ZNF71: variants seen among roughly 807,000 people sequenced by gnomAD.
ZNF71 encodes endothelial zinc finger protein induced by tumor necrosis factor alpha.
ZNF71 carries 3 observed loss-of-function variants against 6.7 expected under a neutral mutation model. That is an observed-to-expected ratio of 0.45 (90% CI 0.20 to 1.16). The LOEUF (loss-of-function observed/expected upper bound fraction) is 1.16. Among genes scored for constraint, ZNF71 ranks in the 50% most tolerant of loss-of-function variants. The pLI, the probability that ZNF71 is intolerant of heterozygous loss-of-function variation, is 0.25. For synonymous variants in ZNF71, 343 were observed against 311.1 expected, an observed-to-expected ratio of 1.10 and a Z score of -1.08; for missense variants, 688 against 728.6, an observed-to-expected ratio of 0.94 and a Z score of 0.64.
At chr19:56,607,007 AAG>A in intron 2 of ZNF71, among the ~76,000 whole-genome samples, 1 of 152,296 alleles carries the variant, frequency 6.6e-6, no homozygotes, top group East Asian at 1.9e-4. Context: ...CTTATATTGA[AAG>A]AGACAGTGAA....
Position 56,603,870 on chromosome 19 carries a change from G to A in ZNF71, c.33+2279G>A, listed in dbSNP as rs1169119851. Among the ~76,000 whole-genome samples the A allele has an allele frequency of 7.5e-6, 1 of 133,728 alleles. No homozygotes were observed. The allele number at this position is 133,728 out of a possible 152,430, so 87.7% of individuals were successfully genotyped here. ...TGTCTGGTTTCAGCGTTTTCCCTGT[G>A]GTGAAATGGTTTGTGTCATTAGACA... On this transcript the variant is annotated intron_variant, in intron 2 of 3. Coordinates refer to ENST00000599599, the MANE Select transcript of ZNF71 (RefSeq NM_001370215.1). This position sits in a 1 kb window ranked among gnomAD's most constrained non-coding sequence, Gnocchi z 4.6.
chr19:56,600,103 T>G (rs71333216), intron 1 of ZNF71, among the ~76,000 whole-genome samples: 55,242 of 131,514 alleles, frequency 0.42, 13,220 homozygotes, highest in East Asian at 0.67. Context: ...TTTGTTTTTT[T>G]TTTTTTTTTT....
chr19:56,616,234 T>C (rs1264619288), intron 3 of ZNF71, among the ~76,000 whole-genome samples: 3 of 152,224 alleles, frequency 2.0e-5, no homozygotes, highest in African/African-American at 7.2e-5. Flanking sequence ...TCCAAGTTTA[T>C]TGGGGTATGT....
rs1052443416 is a variant in ZNF71, at chr19:56,622,869, A to G, written c.*112A>G. 2.9e-6 allele frequency: 4 copies of G among 1,374,774 alleles called. No individual in the cohort carries two copies. In the African/African-American group the frequency reaches 4.4e-5, roughly 15 times the overall value. The allele number at this position is 1,374,774 out of a possible 1,614,324, so 85.2% of individuals were successfully genotyped here. ...TCCCCTGGGGTGGGGACTCGGGGTC[A>G]GGGGAGCTCAGGAATGTGGGGTTGT... On this transcript the variant is annotated 3_prime_UTR_variant, in exon 4 of 4. Transcript: ENST00000599599.
Position 56,618,664 on chromosome 19 carries a change from C to T in ZNF71, c.161-2604C>T, listed in dbSNP as rs540905392. Among the ~76,000 whole-genome samples, 1,074 of 151,886 alleles carry T rather than the reference C, an allele frequency of 7.1e-3. 9 individuals are homozygous for T. Among genetic ancestry groups the T allele is most frequent in the African/African-American group, 0.02 (810 of 41,388 alleles). On this transcript the variant is annotated intron_variant, in intron 3 of 3. Transcript: ENST00000599599. The surrounding 1 kb of genome is among the most constrained non-coding windows in gnomAD (Gnocchi z 4.6). ...AAACAGGCCTGAAGGATAAGGACGTCCACGGCAGGTCCACAGGACAGTGGA... is the reference window on the plus strand; with the variant it reads ...AAACAGGCCTGAAGGATAAGGACGTTCACGGCAGGTCCACAGGACAGTGGA...
chr19:56,622,463 G>A lies in ZNF71; in HGVS notation c.1356G>A (p.Thr452=). Residue 452 remains threonine (T), a synonymous_variant, in exon 4 of 4, where the codon ACG becomes ACA. Transcript: ENST00000599599. ...YECYICKKHF[T]GRSSLIVHQI... is the part of the protein sequence containing the mutation. The stretch of plus-strand genomic sequence containing the variant: ...GCTACATCTGCAAGAAGCACTTCAC[G>A]GGGCGCTCGTCCCTCATCGTGCACC... 1.9e-6 allele frequency: 3 copies of A among 1,599,602 alleles called. No homozygotes were observed. Among genetic ancestry groups the A allele is most frequent in the South Asian group, 1.1e-5 (1 of 90,250 alleles).
At chr19:56,606,017 AG>A (rs1278950069) in intron 2 of ZNF71, among the ~76,000 whole-genome samples, 1 of 152,232 alleles carries the variant, frequency 6.6e-6, no homozygotes, top group Non-Finnish European at 1.5e-5. Context: ...CCTTTGTAAA[AG>A]AAATGAGCTC....
rs560818269 is a variant in ZNF71 at position 56,622,338 on chromosome 19, G to T, written c.1231G>T (p.Val411Leu). The change falls in exon 4 of 4, where the codon GTG becomes TTG. Residue 411 changes from valine to leucine, a missense_variant. Coordinates refer to ENST00000599599, the MANE Select transcript of ZNF71 (RefSeq NM_001370215.1). ...CCAGCACCAGCGCTTCCACATCGGC[G>T]TGAAGCCGTTCGAGTGCAGCGAGTG... ...LIQHQRFHIG[V>L]KPFECSECGK... is the part of the protein sequence containing the mutation. 2.3e-5 allele frequency: 37 copies of T among 1,612,554 alleles called. No individual in the cohort carries two copies. The East Asian group carries it at 7.2e-4, about 31-fold the overall frequency.
At chr19:56,616,144 T>C (rs2044789547) in intron 3 of ZNF71, among the ~76,000 whole-genome samples, 1 of 152,192 alleles carries the variant, frequency 6.6e-6, no homozygotes, top group East Asian at 1.9e-4. Flanking sequence ...TTTTCTTCTG[T>C]AAGTTATATA....
chr19:56,614,014 AG>A (rs2044771723), intron 3 of ZNF71, 76 bp downstream of exon 3: 4 of 860,580 alleles, frequency 4.6e-6, no homozygotes, highest in Non-Finnish European at 5.8e-6. Context: ...AAAAAAAAAA[AG>A]ATCAACAGAT....
In ZNF71 at chr19:56,623,446, AAC is replaced by A. The variant is rs750661519; in HGVS notation, c.*691_*692del. The A allele has an allele frequency of 5.4e-5, 9 of 167,236 alleles. No homozygotes were observed. Among genetic ancestry groups the A allele is most frequent in the Non-Finnish European group, 1.2e-4 (8 of 68,138 alleles). The allele number at this position is 167,236 out of a possible 1,614,324, so 10.4% of individuals were successfully genotyped here. A position where few individuals can be genotyped will look rare whatever the true frequency, so the allele number is the denominator to read the frequency against. On this transcript the variant is annotated 3_prime_UTR_variant, in exon 4 of 4. Coordinates refer to ENST00000599599, the MANE Select transcript of ZNF71 (RefSeq NM_001370215.1). Reference sequence around the variant, plus strand: ...AATTAAGGGAGACTATGTTATTTTAAACAGTCTTCTGTTTTGGCCAGTTGTCT... The same window carrying A: ...AATTAAGGGAGACTATGTTATTTTAAAGTCTTCTGTTTTGGCCAGTTGTCT...
chr19:56,614,334 G>T (rs953961653), intron 3 of ZNF71, among the ~76,000 whole-genome samples: 11 of 152,164 alleles, frequency 7.2e-5, no homozygotes, highest in Non-Finnish European at 1.3e-4. Context: ...GATGAAAAAA[G>T]AATAATAGCC....
intron 1 of ZNF71, among the ~76,000 whole-genome samples, chr19:56,599,977 G>A (rs964298476): frequency 1.3e-5 from 2 of 151,728 alleles, no homozygotes; most frequent in South Asian, 2.1e-4. Flanking sequence ...CACTGCGCCC[G>A]GCCAGTTATT....
At position 56,603,621 on chromosome 19, in the gene ZNF71, C is replaced by G. The variant is rs1218965686; in HGVS notation, c.33+2030C>G. Among the ~76,000 whole-genome samples, 1 of 152,138 alleles carries G rather than the reference C, an allele frequency of 6.6e-6. No individual in the cohort carries two copies. The highest frequency in any genetic ancestry group is 1.9e-4 in the East Asian group (1 of 5,198). Reference sequence around the variant, plus strand: ...GGGTCATATGGTTAACTCTGTTGAACCAGTAAAGGAACCACCAGACTGTTT... The same window carrying G: ...GGGTCATATGGTTAACTCTGTTGAAGCAGTAAAGGAACCACCAGACTGTTT... On this transcript the variant is annotated intron_variant, in intron 2 of 3. Transcript: ENST00000599599. This position sits in a 1 kb window ranked among gnomAD's most constrained non-coding sequence, Gnocchi z 4.6.
chr19:56,597,483 C>T (rs757544146), intron 1 of ZNF71, among the ~76,000 whole-genome samples: 1 of 152,222 alleles, frequency 6.6e-6, no homozygotes, highest in Non-Finnish European at 1.5e-5. Flanking sequence ...ACAGCCTTCC[C>T]CAGGCTGGAA....
chr19:56,607,022 T>C (rs1368752512), intron 2 of ZNF71, among the ~76,000 whole-genome samples: 1 of 152,154 alleles, frequency 6.6e-6, no homozygotes, highest in Non-Finnish European at 1.5e-5. Flanking sequence ...ACAGTGAAAA[T>C]GGGTAATTTG....
At chr19:56,601,078 C>T (rs1422292254) in intron 1 of ZNF71, among the ~76,000 whole-genome samples, 1 of 152,098 alleles carries the variant, frequency 6.6e-6, no homozygotes, top group African/African-American at 2.4e-5. Flanking sequence ...CCCTCAGCAG[C>T]CTGCGGGAAT....
At chr19:56,614,054 C>A in intron 3 of ZNF71, 116 bp downstream of exon 3, 2 of 905,648 alleles carry the variant, frequency 2.2e-6, no homozygotes, top group Non-Finnish European at 2.7e-6. Flanking sequence ...TTAAAATTTG[C>A]TCTACTTGAA....
rs553416187 is a variant in ZNF71, at chr19:56,613,444, G to A, written c.34-368G>A. ...GCTTGCTGCCTGGTGCTTAGTAGGGGCTCAGAAAAGTTAGCTGTGCCCCTG... is the reference window on the plus strand; with the variant it reads ...GCTTGCTGCCTGGTGCTTAGTAGGGACTCAGAAAAGTTAGCTGTGCCCCTG... On this transcript the variant is annotated intron_variant, in intron 2 of 3. Transcript: ENST00000599599. The surrounding 1 kb of genome is among the most constrained non-coding windows in gnomAD (Gnocchi z 4.6). Among the ~76,000 whole-genome samples the A allele has an allele frequency of 7.9e-5, 12 of 152,314 alleles. No homozygotes were observed. The highest frequency in any genetic ancestry group is 5.2e-4 in the Admixed American group (8 of 15,294).
Sources: gnomAD v4.1 joint callset for allele counts (sites outside exome capture counted in the v4.1 genomes callset) on GRCh38, gnomAD v4.1.1 for gene constraint, Gnocchi (gnomAD v3.1) non-coding constraint, MANE v1.5 for transcripts, NCBI Gene and HGNC (gene_info 2026-07-23, HGNC 2026-07-21) for gene names.